Variants in SRBD1 observed in about 807,000 individuals in gnomAD.
SRBD1 encodes the protein S1 RNA binding domain 1.
In SRBD1, 88 loss-of-function variants were observed where a neutral mutation model predicts 115.3. The ratio of observed to expected loss-of-function variants is 0.76; its 90% CI spans 0.64 to 0.91. SRBD1 has a LOEUF of 0.91. Ranked by LOEUF, SRBD1 falls within the 40% of genes least tolerant of loss-of-function variation. The pLI is 0.00. For missense variants in SRBD1, 1,385 were observed against 1,177.4 expected, an observed-to-expected ratio of 1.18 and a Z score of -2.58; for synonymous variants, 509 against 407.7, an observed-to-expected ratio of 1.25 and a Z score of -2.99.
chr2:45,609,213 A>C lies in SRBD1; in HGVS notation c.-1+2006T>G, dbSNP rs549559337. On this transcript the variant is annotated intron_variant, in intron 1 of 20. Transcript: ENST00000263736. ...TTGACATATGTATACATATCACTAC[A>C]ATCAAGAAAATGAACACATTATCAT... Among the ~76,000 whole-genome samples, 15 of 152,352 alleles carry C rather than the reference A, an allele frequency of 9.8e-5. No individual in the cohort carries two copies. The South Asian group carries it at 2.7e-3, about 27-fold the overall frequency.
chr2:45,563,234 A>G (rs1225024507), intron 9 of SRBD1, among the ~76,000 whole-genome samples: 1 of 152,176 alleles, frequency 6.6e-6, no homozygotes, highest in African/African-American at 2.4e-5. Context: ...TAATCCTTAG[A>G]GTCACCAGTA....
At chr2:45,507,043 G>A (rs536597289) in intron 14 of SRBD1, among the ~76,000 whole-genome samples, 6 of 152,244 alleles carry the variant, frequency 3.9e-5, no homozygotes, top group African/African-American at 1.4e-4. Flanking sequence ...ACCAATTTGT[G>A]CTCATGTTTG....
At position 45,432,195 on chromosome 2, in the gene SRBD1, A is replaced by G. The variant is rs1174362109; in HGVS notation, c.2050-12301T>C. Among the ~76,000 whole-genome samples the G allele has an allele frequency of 4.6e-5, 7 of 152,130 alleles. No individual in the cohort carries two copies. In the South Asian group the frequency reaches 1.2e-3, roughly 27 times the overall value. On this transcript the variant is annotated intron_variant, in intron 16 of 20. Coordinates refer to ENST00000263736, the MANE Select transcript of SRBD1 (RefSeq NM_018079.5). Reference sequence around the variant, plus strand: ...CAGGCATGTGCCACCACGCGCAGCTAATGTTGTATTTTTAGTACAGACGTG... The same window carrying G: ...CAGGCATGTGCCACCACGCGCAGCTGATGTTGTATTTTTAGTACAGACGTG...
chr2:45,481,312 A>T (rs1669956338), intron 15 of SRBD1, among the ~76,000 whole-genome samples: 1 of 152,134 alleles, frequency 6.6e-6, no homozygotes. Context: ...TGCGTTATTT[A>T]GTGGACAGTA....
At chr2:45,574,384 A>T (rs1224458672) in intron 8 of SRBD1, among the ~76,000 whole-genome samples, 3 of 152,214 alleles carry the variant, frequency 2.0e-5, no homozygotes, top group Non-Finnish European at 4.4e-5. Flanking sequence ...CTCCACTGAG[A>T]TGCCTCAGTG....
At chr2:45,470,426 T>C (rs1289357519) in intron 16 of SRBD1, among the ~76,000 whole-genome samples, 1 of 152,138 alleles carries the variant, frequency 6.6e-6, no homozygotes, top group East Asian at 1.9e-4. Flanking sequence ...TTCCAAAAAC[T>C]TATTTTGGCC....
intron 4 of SRBD1, among the ~76,000 whole-genome samples, chr2:45,587,332 TTTAA>T (rs1305634978): frequency 6.7e-6 from 1 of 149,896 alleles, no homozygotes; most frequent in African/African-American, 2.4e-5. Context: ...TATTTAAATA[TTTAA>T]TTATTTTTAA....
At position 45,418,523 on chromosome 2, in the gene SRBD1, A is replaced by G. The variant is rs1055704736; in HGVS notation, c.2175T>C (p.Asn725=). The G allele has an allele frequency of 6.9e-6, 11 of 1,597,448 alleles. No individual in the cohort carries two copies. Among genetic ancestry groups the G allele is most frequent in the Non-Finnish European group, 9.4e-6 (11 of 1,170,016 alleles). The part of the protein sequence containing the change: ...EVLLRHIAGL[N]ANRAKNIIEW... ...CAATAATATTTTTGGCCCTGTTGGC[A>G]TTGAGTCCTGCAATATGCCTAGAAA... is the stretch of plus-strand genomic sequence containing the variant. Residue 725 remains asparagine, a synonymous_variant, in exon 18 of 21, where the codon AAT becomes AAC. Transcript: ENST00000263736.
At chr2:45,414,203 A>C (rs547960888) in intron 18 of SRBD1, among the ~76,000 whole-genome samples, 52 of 152,284 alleles carry the variant, frequency 3.4e-4, no homozygotes, top group African/African-American at 1.2e-3. Flanking sequence ...TTCAAGTAGG[A>C]GGGCAAATTG....
At chr2:45,563,473 A>G (rs1672735311) in intron 9 of SRBD1, among the ~76,000 whole-genome samples, 1 of 152,004 alleles carries the variant, frequency 6.6e-6, no homozygotes, top group South Asian at 2.1e-4. Context: ...GGGTAAAAAT[A>G]AAATAGAGAA....
chr2:45,592,149 T>C lies in SRBD1; in HGVS notation c.649-6375A>G, dbSNP rs543140575. Among the ~76,000 whole-genome samples, 16 of 152,276 alleles carry C rather than the reference T, an allele frequency of 1.1e-4. No individual in the cohort carries two copies. In the South Asian group the frequency reaches 2.9e-3, roughly 28 times the overall value. ...CTGCTGCCATGTAAGAAGTGCCTTT[T>C]GCCTCCCACCATGATTCTGAGGCCT... On this transcript the variant is annotated intron_variant, in intron 4 of 20. Transcript: ENST00000263736.
chr2:45,520,516 G>A (rs1671250141), intron 14 of SRBD1, among the ~76,000 whole-genome samples: 1 of 152,206 alleles, frequency 6.6e-6, no homozygotes, highest in Non-Finnish European at 1.5e-5. Context: ...CCTCAAACCT[G>A]GATATCCATG....
At chr2:45,429,831 G>A (rs1010894326) in intron 16 of SRBD1, among the ~76,000 whole-genome samples, 1 of 152,190 alleles carries the variant, frequency 6.6e-6, no homozygotes, top group Admixed American at 6.5e-5. Context: ...TATTCAAATA[G>A]GAAGAGAGGA....
intron 14 of SRBD1, among the ~76,000 whole-genome samples, chr2:45,518,960 A>G (rs1421727875): frequency 2.8e-5 from 4 of 144,128 alleles, no homozygotes; most frequent in Non-Finnish European, 4.5e-5. Flanking sequence ...AGAACGAATA[A>G]GGCTAAAAAA....
Position 45,599,839 on chromosome 2 carries a change from T to C in SRBD1, c.262-4A>G, listed in dbSNP as rs1674036834. The C allele has an allele frequency of 3.7e-6, 6 of 1,600,738 alleles. No individual in the cohort carries two copies. The highest frequency in any genetic ancestry group is 5.1e-6 in the Non-Finnish European group (6 of 1,175,178). ...CAGCAATAGCCACAGAGCTATTCTATCAAACCACAAAGAGAACATATGAGA... is the reference window on the plus strand; with the variant it reads ...CAGCAATAGCCACAGAGCTATTCTACCAAACCACAAAGAGAACATATGAGA... On this transcript the variant is annotated splice_region_variant and splice_polypyrimidine_tract_variant and intron_variant, in intron 3 of 20. Transcript: ENST00000263736.
chr2:45,445,715 T>C (rs1558400100), intron 16 of SRBD1, among the ~76,000 whole-genome samples: 1 of 152,144 alleles, frequency 6.6e-6, no homozygotes, highest in African/African-American at 2.4e-5. Context: ...GTTTTAATAA[T>C]AGCTATTACT....
At chr2:45,460,255 G>A (rs540414979) in intron 16 of SRBD1, among the ~76,000 whole-genome samples, 28 of 152,042 alleles carry the variant, frequency 1.8e-4, no homozygotes, top group Non-Finnish European at 3.8e-4. Context: ...TAGCATGCCC[G>A]TAAATTTGTA....
chr2:45,534,339 T>A (rs770209717), intron 14 of SRBD1, among the ~76,000 whole-genome samples: 1 of 151,922 alleles, frequency 6.6e-6, no homozygotes, highest in Non-Finnish European at 1.5e-5. Context: ...TTACCTTATA[T>A]CACAAACATC....
intron 14 of SRBD1, among the ~76,000 whole-genome samples, chr2:45,489,901 G>A (rs1351955246): frequency 2.0e-5 from 3 of 152,070 alleles, no homozygotes; most frequent in Non-Finnish European, 4.4e-5. Context: ...TTTTTCTAAG[G>A]AAGAGCTACT....
Sources: allele counts gnomAD v4.1 joint callset (sites outside exome capture counted in the v4.1 genomes callset), GRCh38; gene constraint gnomAD v4.1.1; transcripts MANE v1.5; gene names NCBI Gene and HGNC (gene_info 2026-07-23, HGNC 2026-07-21).